LIFR: variants seen among roughly 807,000 people sequenced by gnomAD.
LIFR encodes LIF receptor subunit alpha, also known as leukemia inhibitory factor receptor.
In LIFR, 84 loss-of-function variants were observed where a neutral mutation model predicts 122.2. The observed-to-expected ratio is 0.69, with a 90% CI of 0.58 to 0.82. The LOEUF (loss-of-function observed/expected upper bound fraction) is 0.82. Ranked by LOEUF, LIFR falls within the 40% of genes least tolerant of loss-of-function variation. The pLI is 0.00. For missense variants in LIFR, 1,294 were observed against 1,311.6 expected (o/e 0.99, Z 0.21); for synonymous variants, 422 against 434.7 (o/e 0.97, Z 0.36).
intron 1 of LIFR, among the ~76,000 whole-genome samples, chr5:38,588,322 G>A (rs1250714347): frequency 1.3e-5 from 2 of 152,114 alleles, no homozygotes; most frequent in South Asian, 2.1e-4. Flanking sequence ...CTCTGATCAG[G>A]TGCTCAGTCT....
intron 5 of LIFR, among the ~76,000 whole-genome samples, chr5:38,520,130 A>G (rs373992686): frequency 9.1e-4 from 139 of 152,140 alleles, no homozygotes; most frequent in African/African-American, 2.9e-3. Context: ...TCACCAATAT[A>G]TAAGTTTTTT....
intron 1 of LIFR, among the ~76,000 whole-genome samples, chr5:38,574,756 A>G (rs535142218): frequency 2.0e-5 from 3 of 152,290 alleles, no homozygotes; most frequent in East Asian, 1.9e-4. Context: ...AGCTTAGACT[A>G]TACTCTACTT....
At chr5:38,548,776 A>G (rs1029300422) in intron 1 of LIFR, among the ~76,000 whole-genome samples, 14 of 152,234 alleles carry the variant, frequency 9.2e-5, no homozygotes, top group African/African-American at 7.2e-5. Context: ...TTTCAGTTTT[A>G]AAGTAAATAA....
At chr5:38,511,335 T>C (rs1035934210) in intron 6 of LIFR, among the ~76,000 whole-genome samples, 2 of 152,164 alleles carry the variant, frequency 1.3e-5, no homozygotes, top group Non-Finnish European at 2.9e-5. Context: ...TATTCGAAAC[T>C]GCCAACATTC....
chr5:38,491,397 T>C (rs1350974435), intron 14 of LIFR, among the ~76,000 whole-genome samples: 2 of 152,206 alleles, frequency 1.3e-5, no homozygotes, highest in East Asian at 3.9e-4. Context: ...ATGTATCAGA[T>C]GCCATGGAAT....
intron 18 of LIFR, 49 bp from the exon 19 acceptor site, chr5:38,482,716 A>G (rs1554018282): frequency 1.3e-6 from 1 of 776,484 alleles, no homozygotes; most frequent in Non-Finnish European, 2.1e-6. Flanking sequence ...TAAGATTATT[A>G]GATAATAAAT....
At chr5:38,513,281 G>C (rs949218921) in intron 5 of LIFR, among the ~76,000 whole-genome samples, 3 of 152,196 alleles carry the variant, frequency 2.0e-5, no homozygotes, top group Non-Finnish European at 4.4e-5. Context: ...CATCCAATGG[G>C]AAATACAGGA....
At chr5:38,539,273 A>G (rs1037879169) in intron 1 of LIFR, among the ~76,000 whole-genome samples, 2 of 152,244 alleles carry the variant, frequency 1.3e-5, no homozygotes, top group South Asian at 2.1e-4. Flanking sequence ...CATGCTGACC[A>G]CTATGTCCAA....
chr5:38,511,194 C>CT (rs1745782265), intron 6 of LIFR, among the ~76,000 whole-genome samples: 1 of 152,150 alleles, frequency 6.6e-6, no homozygotes, highest in Non-Finnish European at 1.5e-5. Flanking sequence ...ACTCCACACC[C>CT]TAAAAAACAA....
intron 1 of LIFR, among the ~76,000 whole-genome samples, chr5:38,573,451 G>T (rs991802013): frequency 3.9e-5 from 6 of 152,174 alleles, no homozygotes; most frequent in African/African-American, 1.4e-4. Flanking sequence ...ACTTAGAACA[G>T]AAGTTGATGC....
At chr5:38,583,324 T>C (rs1749646781) in intron 1 of LIFR, among the ~76,000 whole-genome samples, 1 of 152,188 alleles carries the variant, frequency 6.6e-6, no homozygotes, top group Non-Finnish European at 1.5e-5. Flanking sequence ...TAATGTAGAT[T>C]TTCACTTTCA....
intron 1 of LIFR, among the ~76,000 whole-genome samples, chr5:38,593,102 C>T (rs1047034799): frequency 1.3e-5 from 2 of 152,156 alleles, no homozygotes; most frequent in Admixed American, 1.3e-4. Context: ...ACTCAGGAGG[C>T]TGAGGCGGGA....
chr5:38,582,203 A>G (rs1417473688), intron 1 of LIFR, among the ~76,000 whole-genome samples: 1 of 152,010 alleles, frequency 6.6e-6, no homozygotes, highest in African/African-American at 2.4e-5. Flanking sequence ...ACGTGACACC[A>G]TGCCTGGCTA....
upstream of LIFR, among the ~76,000 whole-genome samples, chr5:38,598,107 G>A (rs952399718): frequency 4.6e-5 from 7 of 151,628 alleles, no homozygotes; most frequent in East Asian, 1.4e-3. Context: ...TCACATGGTG[G>A]GATCTTTCTA....
At chr5:38,592,236 G>A (rs373502614) in intron 1 of LIFR, among the ~76,000 whole-genome samples, 3 of 151,850 alleles carry the variant, frequency 2.0e-5, no homozygotes, top group African/African-American at 7.3e-5. Flanking sequence ...CTGTTTTCTG[G>A]GAGTATAGAG....
At chr5:38,509,944 C>T (rs1372247215) in intron 7 of LIFR, among the ~76,000 whole-genome samples, 1 of 152,112 alleles carries the variant, frequency 6.6e-6, no homozygotes, top group East Asian at 1.9e-4. Context: ...ATATATAGAA[C>T]GCAGTGGGAG....
intron 1 of LIFR, among the ~76,000 whole-genome samples, chr5:38,537,638 A>G (rs1747361963): frequency 6.7e-6 from 1 of 149,382 alleles, no homozygotes; most frequent in Non-Finnish European, 1.5e-5. Flanking sequence ...ATTTCCCAGT[A>G]CTTCTCACTA....
chr5:38,519,293 G>A (rs965742272), intron 5 of LIFR, among the ~76,000 whole-genome samples: 4 of 152,014 alleles, frequency 2.6e-5, no homozygotes, highest in South Asian at 2.1e-4. Context: ...CTCCATTCAC[G>A]GTAAGTGCCT....
At chr5:38,524,072 G>A (rs899118080) in intron 4 of LIFR, among the ~76,000 whole-genome samples, 2 of 152,162 alleles carry the variant, frequency 1.3e-5, no homozygotes, top group Non-Finnish European at 2.9e-5. Flanking sequence ...AAGAAAACGA[G>A]TTTCCTCTGT....
Sources: gnomAD v4.1 joint callset for allele counts (sites outside exome capture counted in the v4.1 genomes callset) on GRCh38, gnomAD v4.1.1 for gene constraint, MANE v1.5 for transcripts, NCBI Gene and HGNC (gene_info 2026-07-23, HGNC 2026-07-21) for gene names.